The following DLGAP1 variants were observed in gnomAD, a reference collection of about 807,000 sequenced individuals.
DLGAP1 encodes the protein DLG associated protein 1.
Under a neutral mutation model 90.8 loss-of-function variants are expected in DLGAP1, and 11 were observed. That is an observed-to-expected ratio of 0.12 (90% CI 0.08 to 0.20). The LOEUF is 0.20. Among genes scored for constraint, DLGAP1 ranks in the 10% least tolerant of loss-of-function variants. The pLI is 1.00. For synonymous variants in DLGAP1, 558 were observed against 540.7 expected, an observed-to-expected ratio of 1.03 and a Z score of -0.44; for missense variants, 1,050 against 1,333.8, an observed-to-expected ratio of 0.79 and a Z score of 3.31.
intron 1 of DLGAP1, among the ~76,000 whole-genome samples, chr18:4,206,479 G>C (rs974080104): frequency 6.6e-6 from 1 of 152,106 alleles, no homozygotes; most frequent in Admixed American, 6.5e-5. Flanking sequence ...TGTCACCCTA[G>C]TTCCAAGATC....
At position 3,636,726 on chromosome 18, in the gene DLGAP1, CTT is replaced by C. The variant is rs10606915; in HGVS notation, c.1592-54480_1592-54479del. 2.9e-3 allele frequency among the ~76,000 whole-genome samples: 351 copies of C among 121,202 alleles called. 4 individuals are homozygous for C. Among genetic ancestry groups the C allele is most frequent in the African/African-American group, 9.1e-3 (290 of 31,748 alleles). 79.5% of individuals were successfully genotyped at this position (121,202 alleles called of 152,430 possible). ...CCACCATGCTCGGCCACTTTTACAT[CTT>C]TTTTTTTTTTTTTTTGAGATGGGAT... On this transcript the variant is annotated intron_variant, in intron 7 of 12. Coordinates refer to ENST00000315677, the MANE Select transcript of DLGAP1 (RefSeq NM_004746.4).
chr18:3,941,067 G>A (rs1375004578), intron 3 of DLGAP1, among the ~76,000 whole-genome samples: 1 of 152,138 alleles, frequency 6.6e-6, no homozygotes. Context: ...AATGGGAATG[G>A]CGTTTTCCTC....
chr18:3,905,366 CAAAAAAAAAAAAA>C (rs71160924), intron 3 of DLGAP1, among the ~76,000 whole-genome samples: 3 of 19,810 alleles, frequency 1.5e-4, no homozygotes, highest in Non-Finnish European at 2.7e-4. Context: ...GACTCCATCT[CAAAAAAAAAAAAA>C]AAAAAAAAAA....
intron 1 of DLGAP1, among the ~76,000 whole-genome samples, chr18:4,450,886 T>G (rs368736284): frequency 1.3e-5 from 2 of 152,186 alleles, no homozygotes; most frequent in East Asian, 3.9e-4. Context: ...AGTTCACAAT[T>G]AGATATCCAG....
At chr18:3,784,401 G>A (rs556456707) in intron 5 of DLGAP1, among the ~76,000 whole-genome samples, 5 of 152,208 alleles carry the variant, frequency 3.3e-5, no homozygotes, top group Non-Finnish European at 5.9e-5. Context: ...TTTGTTTTCC[G>A]TTTTCTTCTT....
At chr18:4,396,447 G>A (rs1187289273) in intron 1 of DLGAP1, among the ~76,000 whole-genome samples, 2 of 152,124 alleles carry the variant, frequency 1.3e-5, no homozygotes, top group Non-Finnish European at 2.9e-5. Flanking sequence ...AAAGAGATTG[G>A]GTTATTCTCA....
intron 1 of DLGAP1, among the ~76,000 whole-genome samples, chr18:4,302,137 A>T (rs116552291): frequency 6.6e-6 from 1 of 152,142 alleles, no homozygotes; most frequent in African/African-American, 2.4e-5. Context: ...GAAGCTGTTT[A>T]GTTTGATGCA....
chr18:3,517,811 C>G lies in DLGAP1; in HGVS notation c.2480-9150G>C, dbSNP rs988556254. Among the ~76,000 whole-genome samples the G allele has an allele frequency of 8.7e-6, 1 of 115,260 alleles. No individual in the cohort carries two copies. Among genetic ancestry groups the G allele is most frequent in the African/African-American group, 3.2e-5 (1 of 31,072 alleles). 75.6% of individuals were successfully genotyped at this position (115,260 alleles called of 152,430 possible). On this transcript the variant is annotated intron_variant, in intron 10 of 12. Transcript: ENST00000315677. The surrounding 1 kb of genome is among the most constrained non-coding windows in gnomAD (Gnocchi z 4.1). ...CAGCCTGGGCAACAAGAGAGAAACT[C>G]TGTCTCGGAAAAAAAAAAAAAAGAA...
At chr18:3,552,506 C>T (rs912704003) in intron 9 of DLGAP1, among the ~76,000 whole-genome samples, 2 of 152,180 alleles carry the variant, frequency 1.3e-5, no homozygotes, top group African/African-American at 4.8e-5. Context: ...CCACAATGGA[C>T]TCTGCCACAC....
At chr18:4,299,169 G>A (rs1402899685) in intron 1 of DLGAP1, among the ~76,000 whole-genome samples, 1 of 151,582 alleles carries the variant, frequency 6.6e-6, no homozygotes, top group Non-Finnish European at 1.5e-5. Context: ...CTGGGGTGGA[G>A]CTCAGCAATT....
intron 2 of DLGAP1, among the ~76,000 whole-genome samples, chr18:4,088,366 A>G (rs1423188763): frequency 1.3e-5 from 2 of 152,140 alleles, no homozygotes; most frequent in Admixed American, 6.5e-5. Context: ...ACAGTCAACT[A>G]TCTCATAGCA....
At chr18:3,993,172 C>G (rs958171925) in intron 3 of DLGAP1, 2 of 151,870 alleles carry the variant, frequency 1.3e-5, no homozygotes, top group Non-Finnish European at 2.9e-5. Context: ...AGGAACCCCC[C>G]TCTTGCACCG....
intron 1 of DLGAP1, among the ~76,000 whole-genome samples, chr18:4,287,220 C>A (rs1015125879): frequency 2.0e-5 from 3 of 152,070 alleles, no homozygotes; most frequent in African/African-American, 7.2e-5. Flanking sequence ...AATGAGATAC[C>A]ATCTCACATC....
chr18:3,819,546 A>G (rs531346532), intron 4 of DLGAP1, among the ~76,000 whole-genome samples: 2 of 152,242 alleles, frequency 1.3e-5, no homozygotes, highest in Non-Finnish European at 2.9e-5. Context: ...AAATTAATAT[A>G]AGCAATTACA....
At chr18:3,546,080 TAGA>T (rs758768903) in intron 9 of DLGAP1, among the ~76,000 whole-genome samples, 1 of 152,104 alleles carries the variant, frequency 6.6e-6, no homozygotes, top group Non-Finnish European at 1.5e-5. Flanking sequence ...TTAGAGAATA[TAGA>T]AGAATTCAGC....
At chr18:3,875,308 G>T (rs2070969742) in intron 4 of DLGAP1, among the ~76,000 whole-genome samples, 1 of 152,162 alleles carries the variant, frequency 6.6e-6, no homozygotes, top group Non-Finnish European at 1.5e-5. Flanking sequence ...TCAAGTGCTA[G>T]CTCCCCCACT....
intron 3 of DLGAP1, among the ~76,000 whole-genome samples, chr18:3,977,435 T>TG (rs1555718020): frequency 1.7e-3 from 2 of 1,198 alleles, no homozygotes; most frequent in African/African-American, 5.6e-3. Flanking sequence ...TTATTCTGTG[T>TG]TTTTTTTTTT....
chr18:3,604,430 A>G (rs941160013), intron 7 of DLGAP1: 1 of 140,970 alleles, frequency 7.1e-6, no homozygotes, highest in African/African-American at 2.8e-5. Flanking sequence ...TAAGGAGCAT[A>G]TTTATGTTTA....
chr18:3,956,483 G>C (rs1429702976), intron 3 of DLGAP1, among the ~76,000 whole-genome samples: 1 of 151,946 alleles, frequency 6.6e-6, no homozygotes, highest in Non-Finnish European at 1.5e-5. Context: ...CCAGTAGCTG[G>C]GACTACAGTC....
Sources: allele counts gnomAD v4.1 joint callset (sites outside exome capture counted in the v4.1 genomes callset), GRCh38; gene constraint gnomAD v4.1.1; non-coding constraint Gnocchi (gnomAD v3.1); transcripts MANE v1.5; gene names NCBI Gene and HGNC (gene_info 2026-07-23, HGNC 2026-07-21).